TBC1D9: variants seen among roughly 807,000 people sequenced by gnomAD.
TBC1D9 encodes the protein TBC1 domain family member 9, also known as TBC1 domain family member 9A.
In TBC1D9, 63 loss-of-function variants were observed where a neutral mutation model predicts 132.0. The observed-to-expected ratio is 0.48, with a 90% CI of 0.39 to 0.59. The LOEUF is 0.59. Ranked by LOEUF, TBC1D9 falls within the 20% of genes least tolerant of loss-of-function variation. The probability of loss-of-function intolerance (pLI) is 0.00; values close to 1 mark genes in which losing one functional copy is unlikely to be tolerated. For synonymous variants in TBC1D9, 610 were observed against 609.9 expected (o/e 1.00, Z 0.00); for missense variants, 1,261 against 1,592.7 (o/e 0.79, Z 3.54).
intron 15 of TBC1D9, 66 bp from the exon 16 acceptor site, chr4:140,634,254 T>A: frequency 6.4e-7 from 1 of 1,571,038 alleles, no homozygotes; most frequent in South Asian, 1.2e-5. Context: ...AAAACGCCCA[T>A]CCTCCAGTTT....
At chr4:140,673,851 G>A (rs1187938115) in intron 6 of TBC1D9, among the ~76,000 whole-genome samples, 1 of 152,170 alleles carries the variant, frequency 6.6e-6, no homozygotes, top group African/African-American at 2.4e-5. Context: ...GATCTCAACA[G>A]TGTACTCTAA....
intron 6 of TBC1D9, among the ~76,000 whole-genome samples, chr4:140,675,079 TA>T (rs949013259): frequency 3.3e-5 from 5 of 152,164 alleles, no homozygotes; most frequent in African/African-American, 1.2e-4. Flanking sequence ...TAACTAAAAA[TA>T]AAAATTCCCT....
chr4:140,726,104 T>C (rs1741615122), intron 1 of TBC1D9, among the ~76,000 whole-genome samples: 1 of 151,896 alleles, frequency 6.6e-6, no homozygotes, highest in African/African-American at 2.4e-5. Flanking sequence ...GCCTGGCCAA[T>C]ATGGCAAAAC....
chr4:140,660,335 T>C (rs1241244815), intron 10 of TBC1D9, among the ~76,000 whole-genome samples: 1 of 152,200 alleles, frequency 6.6e-6, no homozygotes, highest in East Asian at 1.9e-4. Flanking sequence ...GTCTTCTTAA[T>C]TAAAAAGAGG....
intron 13 of TBC1D9, among the ~76,000 whole-genome samples, 177 bp from the exon 14 acceptor site, chr4:140,639,605 T>C (rs775353092): frequency 6.6e-6 from 1 of 152,172 alleles, no homozygotes; most frequent in Non-Finnish European, 1.5e-5. Context: ...CAGAAATAAA[T>C]ATCTGGAAAT....
At chr4:140,646,478 A>G (rs60582068) in intron 13 of TBC1D9, among the ~76,000 whole-genome samples, 10,593 of 152,278 alleles carry the variant, frequency 0.07, 416 homozygotes, top group Admixed American at 0.11. Context: ...CTTTTTTACT[A>G]TAAGTATATC....
At chr4:140,736,362 G>A (rs1417393047) in intron 1 of TBC1D9, among the ~76,000 whole-genome samples, 2 of 152,012 alleles carry the variant, frequency 1.3e-5, no homozygotes, top group East Asian at 1.9e-4. Context: ...CCAACATGGT[G>A]AAACCCCATC....
chr4:140,631,667 G>A (rs561012429), intron 16 of TBC1D9, among the ~76,000 whole-genome samples: 13 of 150,992 alleles, frequency 8.6e-5, no homozygotes, highest in African/African-American at 3.2e-4. Flanking sequence ...CACGATGTCT[G>A]CTCACTGCAA....
chr4:140,668,910 G>GCCGTA lies in TBC1D9; in HGVS notation c.1588+2_1588+6dup. 1 of 1,613,380 alleles carries GCCGTA rather than the reference G, an allele frequency of 6.2e-7. No homozygotes were observed. Among genetic ancestry groups the GCCGTA allele is most frequent in the Non-Finnish European group, 8.5e-7 (1 of 1,179,740 alleles). ...TGACGCCAGCATTCCCAGCCCAGCGGCCGTACCTGACAGCAGCAGCCAGAG... is the reference window on the plus strand; with the variant it reads ...TGACGCCAGCATTCCCAGCCCAGCGGCCGTACCGTACCTGACAGCAGCAGCCAGAG... On this transcript the variant is annotated splice_region_variant and intron_variant, in intron 9 of 20. Transcript: ENST00000442267.
chr4:140,684,873 G>A (rs1321243336), intron 3 of TBC1D9, among the ~76,000 whole-genome samples: 14 of 65,968 alleles, frequency 2.1e-4, no homozygotes, highest in Non-Finnish European at 6.2e-4. Flanking sequence ...GGACAAAGGA[G>A]GCAATTTGTA....
intron 2 of TBC1D9, among the ~76,000 whole-genome samples, chr4:140,688,992 AATGCCAG>A (rs970266898): frequency 2.0e-5 from 3 of 151,988 alleles, no homozygotes; most frequent in Non-Finnish European, 2.9e-5. Flanking sequence ...GTGCAGAATA[AATGCCAG>A]CCATGAATCC....
At chr4:140,742,216 G>A (rs929073302) in intron 1 of TBC1D9, among the ~76,000 whole-genome samples, 1 of 152,070 alleles carries the variant, frequency 6.6e-6, no homozygotes, top group Non-Finnish European at 1.5e-5. Context: ...TCAACTAGAA[G>A]CCAGTGGCAA....
chr4:140,718,358 T>A (rs1353002622), intron 1 of TBC1D9, among the ~76,000 whole-genome samples: 2 of 151,706 alleles, frequency 1.3e-5, no homozygotes, highest in Admixed American at 1.3e-4. Flanking sequence ...GACAGAACAA[T>A]CCCCTCTTTG....
At chr4:140,692,472 G>A (rs1021049952) in intron 2 of TBC1D9, among the ~76,000 whole-genome samples, 4 of 152,242 alleles carry the variant, frequency 2.6e-5, no homozygotes, top group African/African-American at 9.6e-5. Flanking sequence ...CCTTTAATCT[G>A]TCCCTGTATT....
At chr4:140,725,739 G>A (rs1738489125) in intron 1 of TBC1D9, among the ~76,000 whole-genome samples, 1 of 151,944 alleles carries the variant, frequency 6.6e-6, no homozygotes, top group African/African-American at 2.4e-5. Flanking sequence ...CACGGCAATT[G>A]TTCACTGAAA....
chr4:140,753,332 C>T (rs1046037665), intron 1 of TBC1D9, among the ~76,000 whole-genome samples: 4 of 152,014 alleles, frequency 2.6e-5, no homozygotes, highest in Admixed American at 2.0e-4. Context: ...AGGCTCAAAC[C>T]ATCCTCCAGC....
chr4:140,693,884 G>C (rs985569261), intron 2 of TBC1D9, among the ~76,000 whole-genome samples: 5 of 152,136 alleles, frequency 3.3e-5, no homozygotes, highest in African/African-American at 1.2e-4. Flanking sequence ...TATGCTCACA[G>C]CTTTATAATC....
chr4:140,667,191 T>G (rs916901695), intron 9 of TBC1D9, among the ~76,000 whole-genome samples: 2 of 152,146 alleles, frequency 1.3e-5, no homozygotes, highest in Admixed American at 6.6e-5. Flanking sequence ...CATTCCTGGA[T>G]GTGGAAATAC....
At chr4:140,647,586 C>T (rs1737122029) in intron 13 of TBC1D9, among the ~76,000 whole-genome samples, 2 of 152,194 alleles carry the variant, frequency 1.3e-5, no homozygotes. Flanking sequence ...ATAATAGTAA[C>T]TAATATTAAA....
Sources: allele counts gnomAD v4.1 joint callset (sites outside exome capture counted in the v4.1 genomes callset), GRCh38; gene constraint gnomAD v4.1.1; transcripts MANE v1.5; gene names NCBI Gene and HGNC (gene_info 2026-07-23, HGNC 2026-07-21).